GLIS3: variants seen among roughly 807,000 people sequenced by gnomAD.
GLIS3 encodes the protein zinc finger protein GLIS3.
Under a neutral mutation model 78.6 loss-of-function variants are expected in GLIS3, and 53 were observed. The ratio of observed to expected loss-of-function variants is 0.67; its 90% confidence interval spans 0.54 to 0.85. The LOEUF (loss-of-function observed/expected upper bound fraction) is 0.85, where lower values mean the gene tolerates loss of function less well. Among genes scored for constraint, GLIS3 ranks in the 40% least tolerant of loss-of-function variants. The pLI is 0.00. For synonymous variants in GLIS3, 684 were observed against 509.9 expected, an observed-to-expected ratio of 1.34 and a Z score of -4.60; for missense variants, 1,703 against 1,231.1, an observed-to-expected ratio of 1.38 and a Z score of -5.74.
upstream of GLIS3, among the ~76,000 whole-genome samples, chr9:4,305,012 T>C (rs1817193243): frequency 6.6e-6 from 1 of 152,154 alleles, no homozygotes; most frequent in African/African-American, 2.4e-5. Flanking sequence ...CTGGGGACAC[T>C]GCCCCAAGCT....
chr9:4,108,823 A>G (rs1830977952), intron 4 of GLIS3, among the ~76,000 whole-genome samples: 1 of 152,192 alleles, frequency 6.6e-6, no homozygotes, highest in Non-Finnish European at 1.5e-5. Context: ...TGCCCTCTCT[A>G]GAACATTCTG....
the GLIS3 span, among the ~76,000 whole-genome samples, chr9:4,369,215 C>T: frequency 6.6e-6 from 1 of 152,086 alleles, no homozygotes. Context: ...TACTCAGCCA[C>T]CATTCTAGAT....
rs115006319 is a variant in GLIS3 at position 4,054,569 on chromosome 9, C to T, written c.1710+63199G>A. 1,639 of 803,760 alleles carry T rather than the reference C, an allele frequency of 2.0e-3. 25 individuals carry two copies. In the African/African-American group the frequency reaches 0.029, roughly 14 times the overall value. The allele number at this position is 803,760 out of a possible 1,614,324, so 49.8% of individuals were successfully genotyped here. On this transcript the variant is annotated intron_variant, in intron 4 of 10. Transcript: ENST00000381971. ...TCAGTGCGGAGCAGGTCACAAGTCA[C>T]ACCAGTCACAAAGCTGCCTCCTTGA...
rs982527380 is a variant in GLIS3 at position 3,977,840 on chromosome 9, C to G, written c.1711-40651G>C. Among the ~76,000 whole-genome samples, 7 of 152,218 alleles carry G rather than the reference C, an allele frequency of 4.6e-5. No homozygotes were observed. The highest frequency in any genetic ancestry group is 9.6e-5 in the African/African-American group (4 of 41,460). ...ACACTAGCAGTCATCACCATTTCTACAGCAGGCTGTTGCATCCAGCTGGTG... is the reference window on the plus strand; with the variant it reads ...ACACTAGCAGTCATCACCATTTCTAGAGCAGGCTGTTGCATCCAGCTGGTG... On this transcript the variant is annotated intron_variant, in intron 4 of 10. Transcript: ENST00000381971. This position sits in a 1 kb window ranked among gnomAD's most constrained non-coding sequence, Gnocchi z 4.1.
intron 2 of GLIS3, among the ~76,000 whole-genome samples, chr9:4,169,410 G>C (rs1386262883): frequency 6.6e-6 from 1 of 152,140 alleles, no homozygotes; most frequent in Non-Finnish European, 1.5e-5. Flanking sequence ...AATTTAATGA[G>C]GCAGAAAGAA....
intron 3 of GLIS3, 86 bp downstream of exon 3, chr9:4,125,648 G>GTGTGTA: frequency 1.1e-6 from 1 of 880,620 alleles, no homozygotes; most frequent in Non-Finnish European, 1.9e-6. Context: ...GTGTGTGTGT[G>GTGTGTA]TGTGTGTATT....
the GLIS3 span, among the ~76,000 whole-genome samples, chr9:4,419,273 A>G: frequency 6.6e-6 from 1 of 152,210 alleles, no homozygotes; most frequent in Non-Finnish European, 1.5e-5. Flanking sequence ...AGCACGAGCC[A>G]CAGTGTACCA....
chr9:4,292,431 CT>C (rs758637053), intron 1 of GLIS3, among the ~76,000 whole-genome samples: 4 of 152,114 alleles, frequency 2.6e-5, no homozygotes, highest in African/African-American at 4.8e-5. Context: ...ATAAAAGTCA[CT>C]GTTAAAAAGC....
At chr9:4,050,162 G>A (rs1418933486) in intron 4 of GLIS3, among the ~76,000 whole-genome samples, 5 of 151,016 alleles carry the variant, frequency 3.3e-5, no homozygotes, top group South Asian at 4.2e-4. Flanking sequence ...TGTTTATTGC[G>A]GCCTATTCAC....
In GLIS3 at chr9:3,962,951, G is replaced by C. The variant is rs575204595; in HGVS notation, c.1711-25762C>G. 4.2e-3 allele frequency among the ~76,000 whole-genome samples: 640 copies of C among 150,956 alleles called. 8 individuals are homozygous for C. Among genetic ancestry groups the C allele is most frequent in the Middle Eastern group, 0.038 (11 of 292 alleles). ...ACAAGATCTGCTGTGATTTAAGGGG[G>C]GGGGGGGGAGAGAGATTTATTGAGG... On this transcript the variant is annotated intron_variant, in intron 4 of 10. Transcript: ENST00000381971.
intron 4 of GLIS3, among the ~76,000 whole-genome samples, chr9:4,036,495 C>G (rs1824319693): frequency 6.6e-6 from 1 of 152,140 alleles, no homozygotes; most frequent in African/African-American, 2.4e-5. Context: ...GTAGAGAACT[C>G]AGCCCAAATT....
At chr9:4,261,153 C>A (rs1246789430) in intron 2 of GLIS3, among the ~76,000 whole-genome samples, 1 of 152,122 alleles carries the variant, frequency 6.6e-6, no homozygotes, top group Non-Finnish European at 1.5e-5. Flanking sequence ...TAACTCATCC[C>A]AAGGTAAAAT....
intron 2 of GLIS3, among the ~76,000 whole-genome samples, chr9:4,251,723 G>C (rs954845931): frequency 2.6e-5 from 4 of 152,184 alleles, no homozygotes; most frequent in African/African-American, 7.2e-5. Flanking sequence ...AATTTGGTAT[G>C]TTTTTGCAGT....
In GLIS3 at chr9:3,955,937, G is replaced by A. The variant is rs533873848; in HGVS notation, c.1711-18748C>T. Among the ~76,000 whole-genome samples, 8 of 143,610 alleles carry A rather than the reference G, an allele frequency of 5.6e-5. No homozygotes were observed. In the East Asian group the frequency reaches 1.3e-3, roughly 24 times the overall value. 94.2% of individuals were successfully genotyped at this position (143,610 alleles called of 152,430 possible). A position where few individuals can be genotyped will look rare whatever the true frequency, so the allele number is the denominator to read the frequency against. ...GACAGCTATGGGGAACCTGAATGAA[G>A]TAGTATATACGTACAAGTGATTGGC... is the stretch of plus-strand genomic sequence containing the variant. On this transcript the variant is annotated intron_variant, in intron 4 of 10. Coordinates refer to ENST00000381971, the MANE Select transcript of GLIS3 (RefSeq NM_001042413.2).
intron 2 of GLIS3, among the ~76,000 whole-genome samples, chr9:4,166,983 CTCTT>C (rs1282328531): frequency 6.6e-6 from 1 of 152,222 alleles, no homozygotes; most frequent in African/African-American, 2.4e-5. Context: ...CTCCAAAAAT[CTCTT>C]TGAGTGTGAG....
chr9:4,424,197 C>T, the GLIS3 span, among the ~76,000 whole-genome samples: 4 of 152,146 alleles, frequency 2.6e-5, no homozygotes, highest in East Asian at 1.9e-4. Context: ...GCAGGAAGAA[C>T]TTTGGACTTA....
chr9:4,355,030 TGCTTGAACCCTGGAG>T, the GLIS3 span, among the ~76,000 whole-genome samples: 41 of 151,536 alleles, frequency 2.7e-4, no homozygotes, highest in African/African-American at 9.4e-4. Flanking sequence ...GTGGGAGAAT[TGCTTGAACCCTGGAG>T]GCTTGAACCC....
intron 4 of GLIS3, among the ~76,000 whole-genome samples, chr9:4,055,454 C>G (rs138810250): frequency 6.6e-6 from 1 of 152,260 alleles, no homozygotes; most frequent in Non-Finnish European, 1.5e-5. Flanking sequence ...CATGGGAGTT[C>G]CAAGATGATC....
chr9:4,245,031 T>C (rs1823670016), intron 2 of GLIS3, among the ~76,000 whole-genome samples: 1 of 152,152 alleles, frequency 6.6e-6, no homozygotes, highest in African/African-American at 2.4e-5. Context: ...CTTAATCAAA[T>C]AAAAGATCTT....
Sources: gnomAD v4.1 joint callset for allele counts (sites outside exome capture counted in the v4.1 genomes callset) on GRCh38, gnomAD v4.1.1 for gene constraint, Gnocchi (gnomAD v3.1) non-coding constraint, MANE v1.5 for transcripts, NCBI Gene and HGNC (gene_info 2026-07-23, HGNC 2026-07-21) for gene names.